Variants in TCEA1 observed in about 807,000 individuals in gnomAD.
TCEA1 encodes the protein transcription elongation factor A protein 1.
In TCEA1, 21 loss-of-function variants were observed where a neutral mutation model predicts 43.8. The ratio of observed to expected loss-of-function variants is 0.48; its 90% CI spans 0.34 to 0.69. The LOEUF (loss-of-function observed/expected upper bound fraction) is 0.69. Among genes scored for constraint, TCEA1 ranks in the 30% least tolerant of loss-of-function variants. TCEA1 has a pLI of 0.01. For synonymous variants in TCEA1, 104 were observed against 117.5 expected (o/e 0.88, Z 0.75); for missense variants, 250 against 365.1 (o/e 0.68, Z 2.57).
In TCEA1 at chr8:53,997,636, G is replaced by A. The variant is rs140395914; in HGVS notation, c.232+2309C>T. ...GGAGGGGCCAAGCGCGATGGCTCAC[G>A]CCTATAAACCTAACACTTTGGGAGG... On this transcript the variant is annotated intron_variant, in intron 3 of 9. Coordinates refer to ENST00000521604, the MANE Select transcript of TCEA1 (RefSeq NM_006756.4). Among the ~76,000 whole-genome samples, 1,407 of 152,294 alleles carry A rather than the reference G, an allele frequency of 9.2e-3. 38 individuals are homozygous for A. Among genetic ancestry groups the A allele is most frequent in the Admixed American group, 0.055 (844 of 15,292 alleles).
intron 8 of TCEA1, chr8:53,978,550 C>T (rs1476861991): frequency 6.5e-6 from 1 of 153,778 alleles, no homozygotes; most frequent in African/African-American, 2.4e-5. Context: ...CATCAGGGCT[C>T]GATGAGGCAG....
In TCEA1 at chr8:54,021,891, G is replaced by T. The variant is rs1195197134; in HGVS notation, c.63+172C>A. On this transcript the variant is annotated intron_variant, in intron 1 of 9. Coordinates refer to ENST00000521604, the MANE Select transcript of TCEA1 (RefSeq NM_006756.4). ...GCGGGTCCTAACGCAGGTTGCCGCG[G>T]GACCCGACGCCCCGGGCCCGGACAC... 10 of 481,342 alleles carry T rather than the reference G, an allele frequency of 2.1e-5. No homozygotes were observed. In the Admixed American group the frequency reaches 2.3e-4, roughly 11 times the overall value. 29.8% of individuals were successfully genotyped at this position (481,342 alleles called of 1,614,324 possible).
rs941477301 is a variant in TCEA1 at position 54,006,437 on chromosome 8, C to G, written c.126+3993G>C. Among the ~76,000 whole-genome samples the G allele has an allele frequency of 3.9e-5, 6 of 152,078 alleles. No homozygotes were observed. In the East Asian group the frequency reaches 9.7e-4, roughly 24 times the overall value. On this transcript the variant is annotated intron_variant, in intron 2 of 9. Coordinates refer to ENST00000521604, the MANE Select transcript of TCEA1 (RefSeq NM_006756.4). ...GAGGTTGCAGTGAGCCGAGATCGTG[C>G]CATTGCACTCCAGCCTGGGCAACAA...
Position 53,999,971 on chromosome 8 carries a change from A to G in TCEA1, c.206T>C (p.Leu69Pro). 1 of 1,599,592 alleles carries G rather than the reference A, an allele frequency of 6.3e-7. No homozygotes were observed. ...DEEVTSLAKS[L>P]IKSWKKLLDG... The stretch of plus-strand genomic sequence containing the variant: ...TAATAATTTTTTCCAGGATTTGATG[A>G]GAGACTTTGCCAAAGATGTAACTTC... The change falls in exon 3 of 10, where the codon CTC becomes CCC. Residue 69 changes from leucine to proline, a missense_variant. Around this residue, in one of 4 missense-constraint regions of TCEA1, gnomAD observed 27 missense variants for 63.1 expected, o/e 0.43. Coordinates refer to ENST00000521604, the MANE Select transcript of TCEA1 (RefSeq NM_006756.4).
intron 3 of TCEA1, chr8:53,999,530 G>A (rs1804185252): frequency 6.2e-6 from 1 of 161,470 alleles, no homozygotes; most frequent in African/African-American, 2.4e-5. Context: ...TGCAAATAGA[G>A]AAAGAAAAAG....
chr8:53,997,102 G>T (rs535318842), intron 3 of TCEA1, among the ~76,000 whole-genome samples: 1 of 152,014 alleles, frequency 6.6e-6, no homozygotes, highest in Non-Finnish European at 1.5e-5. Context: ...TAGAGATGGG[G>T]TTTCACCGTG....
chr8:53,988,571 C>T (rs1211630782), intron 4 of TCEA1, among the ~76,000 whole-genome samples: 1 of 151,968 alleles, frequency 6.6e-6, no homozygotes, highest in Non-Finnish European at 1.5e-5. Context: ...AAATGAAAAG[C>T]AATGATCTTG....
chr8:53,987,079 T>C (rs931641558), intron 5 of TCEA1, 54 bp from the exon 6 acceptor site: 93 of 1,407,752 alleles, frequency 6.6e-5, no homozygotes, highest in Non-Finnish European at 8.9e-5. Flanking sequence ...AAAAGAAAAT[T>C]CTAATACCAG....
chr8:53,997,624 G>A (rs563342626), intron 3 of TCEA1, among the ~76,000 whole-genome samples: 4 of 152,328 alleles, frequency 2.6e-5, no homozygotes, highest in African/African-American at 7.2e-5. Flanking sequence ...GGGGCCAAGC[G>A]CGATGGCTCA....
chr8:54,020,223 T>C (rs1804977873), intron 1 of TCEA1, among the ~76,000 whole-genome samples: 1 of 152,182 alleles, frequency 6.6e-6, no homozygotes, highest in Non-Finnish European at 1.5e-5. Context: ...TGGGAGCTTC[T>C]ACTGTGCAAG....
intron 1 of TCEA1, among the ~76,000 whole-genome samples, chr8:54,018,762 G>C (rs775722445): frequency 3.3e-5 from 5 of 152,188 alleles, no homozygotes; most frequent in Non-Finnish European, 5.9e-5. Context: ...CTAGGGTCAG[G>C]ATATTGATCT....
chr8:53,984,608 G>C, intron 6 of TCEA1, 91 bp from the exon 7 acceptor site: 1 of 1,163,242 alleles, frequency 8.6e-7, no homozygotes, highest in South Asian at 1.7e-5. Context: ...CTGAGGCCAG[G>C]CACGGTGGCT....
chr8:53,982,146 T>C (rs559933100), intron 7 of TCEA1, among the ~76,000 whole-genome samples: 1 of 152,270 alleles, frequency 6.6e-6, no homozygotes, highest in South Asian at 2.1e-4. Context: ...TAGATCTGAA[T>C]AAAGTAAACT....
Position 53,970,382 on chromosome 8 carries a change from G to A in TCEA1, c.897+10C>T, listed in dbSNP as rs370235109. 2 of 1,579,316 alleles carry A rather than the reference G, an allele frequency of 1.3e-6. No individual in the cohort carries two copies. Among genetic ancestry groups the A allele is most frequent in the East Asian group, 2.2e-5 (1 of 44,574 alleles). On this transcript the variant is annotated intron_variant, in intron 9 of 9. Transcript: ENST00000521604. ...GTGAGTATATAATATGAATCCAAGA[G>A]AGTCCATACCTTCCATCGATTTCCA...
At chr8:54,009,885 T>C (rs529223681) in intron 2 of TCEA1, 1 of 152,360 alleles carries the variant, frequency 6.6e-6, no homozygotes, top group Admixed American at 6.5e-5. Context: ...ATAACCTGAC[T>C]TCATCATTAT....
At chr8:53,984,144 T>C (rs1803610518) in intron 7 of TCEA1, among the ~76,000 whole-genome samples, 1 of 152,204 alleles carries the variant, frequency 6.6e-6, no homozygotes, top group Admixed American at 6.5e-5. Context: ...GAAAATAATT[T>C]AGTGTAATCA....
intron 2 of TCEA1, among the ~76,000 whole-genome samples, chr8:54,005,850 T>A (rs1289120035): frequency 2.6e-5 from 4 of 152,208 alleles, no homozygotes; most frequent in Admixed American, 2.6e-4. Flanking sequence ...TCAGTAGTAA[T>A]GCTCTCAGCA....
intron 2 of TCEA1, among the ~76,000 whole-genome samples, chr8:54,001,048 G>A (rs554718600): frequency 1.4e-4 from 21 of 152,028 alleles, no homozygotes; most frequent in Admixed American, 1.2e-3. Flanking sequence ...ATGAGCCACC[G>A]GCCCAGCCAA....
chr8:54,019,026 G>A (rs1804934928), intron 1 of TCEA1, among the ~76,000 whole-genome samples: 1 of 152,114 alleles, frequency 6.6e-6, no homozygotes, highest in Non-Finnish European at 1.5e-5. Flanking sequence ...TTCAGAATGA[G>A]GATAATACTC....
Sources: allele counts gnomAD v4.1 joint callset (sites outside exome capture counted in the v4.1 genomes callset), GRCh38; gene constraint gnomAD v4.1.1; regional missense constraint gnomAD v4.1.1; transcripts MANE v1.5; gene names NCBI Gene and HGNC (gene_info 2026-07-23, HGNC 2026-07-21).